SNX2: variants seen among roughly 807,000 people sequenced by gnomAD.
SNX2 encodes sorting nexin 2.
A neutral mutation model predicts 69.9 loss-of-function variants in SNX2; 25 were observed. That is an observed-to-expected ratio of 0.36 (90% CI 0.26 to 0.50). The LOEUF (loss-of-function observed/expected upper bound fraction) is 0.50, where lower values mean the gene tolerates loss of function less well. SNX2 is among the 20% of genes least tolerant of loss of function. The probability of loss-of-function intolerance (pLI) is 0.97; values close to 1 mark genes in which losing one functional copy is unlikely to be tolerated. For synonymous variants in SNX2, 229 were observed against 200.4 expected (o/e 1.14, Z -1.20); for missense variants, 551 against 613.3 (o/e 0.90, Z 1.07).
rs377666364 is a variant in SNX2, at chr5:122,826,135, A to G, written c.1298A>G (p.Lys433Arg). ...CTCAAAAAACGTGAAGCTGAAGCAAAAATGATGGTTGCTAACAAACCAGAT... is the reference window on the plus strand; with the variant it reads ...CTCAAAAAACGTGAAGCTGAAGCAAGAATGATGGTTGCTAACAAACCAGAT... ...TLLKKREAEA[K>R]MMVANKPDKI... Residue 433 changes from lysine (K) to arginine (R), a missense_variant, in exon 12 of 15, where the codon AAA (lysine) becomes AGA (arginine). This residue lies in a region of SNX2 where 360 missense variants were observed against 450.4 expected (regional missense o/e 0.80). Transcript: ENST00000379516. The G allele has an allele frequency of 8.1e-6, 13 of 1,613,190 alleles. No homozygotes were observed. The African/African-American group carries it at 1.2e-4, about 15-fold the overall frequency.
chr5:122,818,683 CAT>C (rs1437976302), intron 10 of SNX2, 133 bp from the exon 11 acceptor site: 2 of 687,672 alleles, frequency 2.9e-6, no homozygotes, highest in Non-Finnish European at 4.7e-6. Flanking sequence ...CTAATTGTTT[CAT>C]ATTAATTAAT....
chr5:122,826,209 T>G lies in SNX2; in HGVS notation c.1356+16T>G. The G allele has an allele frequency of 6.3e-7, 1 of 1,596,522 alleles. No individual in the cohort carries two copies. The highest frequency in any genetic ancestry group is 8.6e-7 in the Non-Finnish European group (1 of 1,169,386). On this transcript the variant is annotated intron_variant, in intron 12 of 14. Coordinates refer to ENST00000379516, the MANE Select transcript of SNX2 (RefSeq NM_003100.4). ...AATAAGAGAGGTGATTACTAAATGCTTTAATCTCTTTACTTAAGTTTTGCA... is the reference window on the plus strand; with the variant it reads ...AATAAGAGAGGTGATTACTAAATGCGTTAATCTCTTTACTTAAGTTTTGCA...
intron 1 of SNX2, among the ~76,000 whole-genome samples, chr5:122,780,777 C>T (rs1752963720): frequency 6.6e-6 from 1 of 151,964 alleles, no homozygotes; most frequent in Non-Finnish European, 1.5e-5. Context: ...ACCATGTTGA[C>T]CAAGCAGGTC....
chr5:122,785,108 G>C (rs1215163889), intron 1 of SNX2, among the ~76,000 whole-genome samples: 2 of 151,806 alleles, frequency 1.3e-5, no homozygotes, highest in African/African-American at 2.4e-5. Flanking sequence ...GTTTATTTAT[G>C]TATTTTGATT....
chr5:122,790,045 T>G (rs1753193829), intron 1 of SNX2, among the ~76,000 whole-genome samples: 1 of 152,236 alleles, frequency 6.6e-6, no homozygotes, highest in African/African-American at 2.4e-5. Context: ...TAGCTAGGTA[T>G]TCTCATCCAA....
intron 1 of SNX2, among the ~76,000 whole-genome samples, chr5:122,781,818 A>G (rs535824761): frequency 6.6e-6 from 1 of 152,198 alleles, no homozygotes; most frequent in South Asian, 2.1e-4. Context: ...AATTAAATAT[A>G]TACCTATGTA....
chr5:122,781,161 T>C (rs1343821092), intron 1 of SNX2, among the ~76,000 whole-genome samples: 2 of 152,248 alleles, frequency 1.3e-5, no homozygotes, highest in Admixed American at 1.3e-4. Flanking sequence ...TCAGCTTTTC[T>C]TGAAGAGATT....
At chr5:122,828,285 AT>A (rs1754206053) in intron 14 of SNX2, among the ~76,000 whole-genome samples, 1 of 152,154 alleles carries the variant, frequency 6.6e-6, no homozygotes, top group South Asian at 2.1e-4. Context: ...GTAAAACATA[AT>A]AGGTTGTTTT....
chr5:122,813,284 T>C (rs1254161110), intron 7 of SNX2, among the ~76,000 whole-genome samples: 1 of 152,140 alleles, frequency 6.6e-6, no homozygotes, highest in Non-Finnish European at 1.5e-5. Context: ...TGTAAACATA[T>C]ATATAAAAGC....
intron 1 of SNX2, chr5:122,775,815 G>C: frequency 1.0e-6 from 1 of 972,042 alleles, no homozygotes; most frequent in Non-Finnish European, 1.2e-6. Flanking sequence ...CTTTTAAAAG[G>C]TCATAGTATT....
intron 11 of SNX2, among the ~76,000 whole-genome samples, chr5:122,821,719 T>C (rs543303333): frequency 6.6e-6 from 1 of 152,112 alleles, no homozygotes; most frequent in African/African-American, 2.4e-5. Flanking sequence ...CCTCCCAAAG[T>C]GCTGGGATTA....
intron 14 of SNX2, 61 bp from the exon 15 acceptor site, chr5:122,829,537 A>T (rs993645327): frequency 4.6e-6 from 6 of 1,308,992 alleles, no homozygotes; most frequent in African/African-American, 2.9e-5. Flanking sequence ...TGTACAGGAT[A>T]TATGCATATA....
At chr5:122,803,395 C>G in intron 5 of SNX2, 77 bp from the exon 6 acceptor site, 9 of 1,402,680 alleles carry the variant, frequency 6.4e-6, no homozygotes, top group Non-Finnish European at 8.7e-6. Flanking sequence ...TGTATGTGTT[C>G]ACAATTATGT....
chr5:122,814,880 G>T (rs1026145296), intron 7 of SNX2, among the ~76,000 whole-genome samples: 1 of 152,040 alleles, frequency 6.6e-6, no homozygotes, highest in Non-Finnish European at 1.5e-5. Flanking sequence ...CTCCTGAGTA[G>T]CTGGGACTAC....
At chr5:122,810,419 A>G (rs1423237714) in intron 7 of SNX2, among the ~76,000 whole-genome samples, 1 of 151,378 alleles carries the variant, frequency 6.6e-6, no homozygotes, top group Non-Finnish European at 1.5e-5. Flanking sequence ...AAAAAAAAAA[A>G]AAGAATAAAG....
At chr5:122,822,517 T>C (rs548725241) in intron 11 of SNX2, among the ~76,000 whole-genome samples, 58 of 152,248 alleles carry the variant, frequency 3.8e-4, no homozygotes, top group Admixed American at 3.9e-4. Context: ...TTTCTGATGA[T>C]AGTTCTTCAA....
rs1048165000 is a variant in SNX2 at position 122,810,259 on chromosome 5, C to CA, written c.722+1905dup. ...CATCTTAAGTACCCAGGGACACAAA[C>CA]ACTGCGGAAGGCCGCAGGGTCCTCT... is the stretch of plus-strand genomic sequence containing the variant. On this transcript the variant is annotated intron_variant, in intron 7 of 14. Transcript: ENST00000379516. 9.3e-4 allele frequency among the ~76,000 whole-genome samples: 140 copies of CA among 150,878 alleles called. 1 individual carries two copies. Among genetic ancestry groups the CA allele is most frequent in the African/African-American group, 3.3e-3 (133 of 40,876 alleles).
chr5:122,817,100 C>G, intron 9 of SNX2, 72 bp downstream of exon 9: 1 of 1,255,056 alleles, frequency 8.0e-7, no homozygotes, highest in Non-Finnish European at 1.2e-6. Flanking sequence ...TAAAGCTGTA[C>G]AAGTGGAAAA....
intron 6 of SNX2, among the ~76,000 whole-genome samples, chr5:122,808,065 T>G: frequency 6.6e-6 from 1 of 152,188 alleles, no homozygotes. Context: ...TTATCTGTTC[T>G]CTCATGTTTT....
Sources: allele counts gnomAD v4.1 joint callset (sites outside exome capture counted in the v4.1 genomes callset), GRCh38; gene constraint gnomAD v4.1.1; regional missense constraint gnomAD v4.1.1; transcripts MANE v1.5; gene names NCBI Gene and HGNC (gene_info 2026-07-23, HGNC 2026-07-21).